ZSWIM5: variants seen among roughly 807,000 people sequenced by gnomAD.
The protein encoded by ZSWIM5 is zinc finger SWIM-type containing 5.
Under a neutral mutation model 119.6 loss-of-function variants are expected in ZSWIM5, and 55 were observed. The observed-to-expected ratio is 0.46, with a 90% CI of 0.37 to 0.58. The LOEUF is 0.58. Ranked by LOEUF, ZSWIM5 falls within the 20% of genes least tolerant of loss-of-function variation. ZSWIM5 has a pLI of 0.00. For missense variants in ZSWIM5, 1,193 were observed against 1,512.8 expected, an observed-to-expected ratio of 0.79 and a Z score of 3.51; for synonymous variants, 537 against 606.9, an observed-to-expected ratio of 0.88 and a Z score of 1.69.
At position 45,055,695 on chromosome 1, in the gene ZSWIM5, A is replaced by C. The variant is rs566863931; in HGVS notation, c.1252+2914T>G. 2.0e-5 allele frequency among the ~76,000 whole-genome samples: 3 copies of C among 152,324 alleles called. No homozygotes were observed. In the South Asian group the frequency reaches 6.2e-4, roughly 32 times the overall value. On this transcript the variant is annotated intron_variant, in intron 4 of 13. Transcript: ENST00000359600. Reference sequence around the variant, plus strand: ...CATTTAGGTAGAGAACGTAAACAGGAAAGTGGATGCTGGGGGGCACTCAAT... The same window carrying C: ...CATTTAGGTAGAGAACGTAAACAGGCAAGTGGATGCTGGGGGGCACTCAAT...
chr1:45,159,625 GT>G (rs1645851286), intron 1 of ZSWIM5, among the ~76,000 whole-genome samples: 1 of 151,876 alleles, frequency 6.6e-6, no homozygotes, highest in Non-Finnish European at 1.5e-5. Flanking sequence ...GTCTTACTCT[GT>G]TGGCCAGGCT....
chr1:45,173,148 T>G (rs1036566133), intron 1 of ZSWIM5, among the ~76,000 whole-genome samples: 3 of 151,990 alleles, frequency 2.0e-5, no homozygotes, highest in Admixed American at 2.0e-4. Flanking sequence ...CTGGGTGACA[T>G]AGCAAGACCT....
intron 8 of ZSWIM5, among the ~76,000 whole-genome samples, chr1:45,036,932 G>T (rs777802434): frequency 2.0e-5 from 3 of 152,054 alleles, no homozygotes; most frequent in Non-Finnish European, 4.4e-5. Flanking sequence ...CTGAGTAGCT[G>T]GGACTACAGG....
In ZSWIM5 at chr1:45,206,076, G is replaced by A; in HGVS notation, c.275C>T (p.Pro92Leu). The A allele has an allele frequency of 6.2e-7, 1 of 1,611,820 alleles. No homozygotes were observed. The highest frequency in any genetic ancestry group is 8.5e-7 in the Non-Finnish European group (1 of 1,179,386). ...CCAGTAGACGATGCGGCGCTGCACG[G>A]GCTCCGGGATCCGCTCGAAGCGCTC... ...VEERFERIPE[P>L]VQRRIVYWSF... Residue 92 changes from proline to leucine, a missense_variant, in exon 1 of 14, where the codon CCC (proline) becomes CTC (leucine). Pro to Leu is a moderately conservative substitution (Grantham distance 98). Around this residue, in one of 2 missense-constraint regions of ZSWIM5, gnomAD observed 232 missense variants for 222.9 expected, o/e 1.04. Transcript: ENST00000359600.
In ZSWIM5 at chr1:45,034,437, C is replaced by A; in HGVS notation, c.2324G>T (p.Gly775Val). 1 of 1,611,190 alleles carries A rather than the reference C, an allele frequency of 6.2e-7. No individual in the cohort carries two copies. Among genetic ancestry groups the A allele is most frequent in the Non-Finnish European group, 8.5e-7 (1 of 1,178,772 alleles). ...CATATGGTGAGGGTGGGATGTGTCG[C>A]CTGCAGAAGCTGAGTTTTCTAAAAC... ...LPVLENSASA[G>V]DTSHPHHMVS... Residue 775 changes from glycine (G) to valine (V), a missense_variant, in exon 11 of 14, where the codon GGC (glycine) becomes GTC (valine). By Grantham distance (109) the Gly-to-Val change is moderately radical. Transcript: ENST00000359600.
At chr1:45,135,231 T>C (rs1326116807) in intron 1 of ZSWIM5, among the ~76,000 whole-genome samples, 1 of 151,876 alleles carries the variant, frequency 6.6e-6, no homozygotes, top group Non-Finnish European at 1.5e-5. Flanking sequence ...GCATCAGTCA[T>C]AGAAACAGAA....
chr1:45,073,249 ATTTTTTTTTTTTT>A (rs58448888), intron 2 of ZSWIM5, among the ~76,000 whole-genome samples: 3 of 56,054 alleles, frequency 5.4e-5, no homozygotes, highest in East Asian at 4.7e-4. Flanking sequence ...TTGCTACTGA[ATTTTTTTTTTTTT>A]TTTTTTTTTT....
intron 4 of ZSWIM5, among the ~76,000 whole-genome samples, chr1:45,053,676 T>A (rs1356372724): frequency 4.0e-5 from 6 of 148,642 alleles, no homozygotes; most frequent in African/African-American, 1.5e-4. Flanking sequence ...GGCAAGAGAA[T>A]CTCTTGAGTC....
intron 1 of ZSWIM5, among the ~76,000 whole-genome samples, chr1:45,181,600 G>C (rs904698320): frequency 4.6e-5 from 7 of 152,026 alleles, no homozygotes; most frequent in African/African-American, 1.4e-4. Context: ...GATACTCCTC[G>C]AGAAGAGCAA....
At position 45,019,397 on chromosome 1, in the gene ZSWIM5, C is replaced by G. The variant is rs1644874258; in HGVS notation, c.2696-81G>C. Reference sequence around the variant, plus strand: ...CCCAGATTACCATTTGGGGTTTGAACTTGGCCTGCAGAGATGAATTCTTCC... The same window carrying G: ...CCCAGATTACCATTTGGGGTTTGAAGTTGGCCTGCAGAGATGAATTCTTCC... On this transcript the variant is annotated intron_variant, in intron 13 of 13. Transcript: ENST00000359600. This position sits in a 1 kb window ranked among gnomAD's most constrained non-coding sequence, Gnocchi z 5.0. 1 of 1,521,312 alleles carries G rather than the reference C, an allele frequency of 6.6e-7. No homozygotes were observed. The highest frequency in any genetic ancestry group is 8.8e-7 in the Non-Finnish European group (1 of 1,137,818). The allele number at this position is 1,521,312 out of a possible 1,614,324, so 94.2% of individuals were successfully genotyped here. A position where few individuals can be genotyped will look rare whatever the true frequency, so the allele number is the denominator to read the frequency against.
intron 1 of ZSWIM5, among the ~76,000 whole-genome samples, chr1:45,164,105 G>C (rs573049493): frequency 2.0e-5 from 3 of 152,348 alleles, no homozygotes; most frequent in Non-Finnish European, 4.4e-5. Flanking sequence ...AAGCCCATCA[G>C]ACTAACAGTG....
chr1:45,205,856 G>T lies in ZSWIM5; in HGVS notation c.495C>A (p.Gly165=). ...CGCAGCCGGCCGCGCCGGCCCCTGC[G>T]CCCAGCCCGGGGGATGCCCCAGCCG... ...GVAAGASPGL[G]AGAGAAGCGG... The change falls in exon 1 of 14, where the codon GGC becomes GGA. Residue 165 remains glycine, a synonymous_variant. Transcript: ENST00000359600. 1 of 1,436,414 alleles carries T rather than the reference G, an allele frequency of 7.0e-7. No homozygotes were observed. Among genetic ancestry groups the T allele is most frequent in the Non-Finnish European group, 9.2e-7 (1 of 1,090,004 alleles). 89.0% of individuals were successfully genotyped at this position (1,436,414 alleles called of 1,614,324 possible).
At chr1:45,131,422 G>C (rs962600512) in intron 1 of ZSWIM5, among the ~76,000 whole-genome samples, 1 of 152,058 alleles carries the variant, frequency 6.6e-6, no homozygotes. Flanking sequence ...GGGGAAGTCA[G>C]GCATTTAAAT....
rs1316037587 is a variant in ZSWIM5 at position 45,043,252 on chromosome 1, G to C, written c.1576C>G (p.Leu526Val). The C allele has an allele frequency of 6.2e-7, 1 of 1,614,012 alleles. No homozygotes were observed. The highest frequency in any genetic ancestry group is 8.5e-7 in the Non-Finnish European group (1 of 1,179,966). Residue 526 changes from leucine (L) to valine (V), a missense_variant, in exon 6 of 14, where the codon CTC (leucine) becomes GTC (valine). By Grantham distance (32) the Leu-to-Val change is conservative. Transcript: ENST00000359600. ...AGTGGCTGGCCTTGGGAATTAAAGA[G>C]TAGTCTTTCACTTTCCCGCTGGCAG... ...PACQRESERLLFNSQGQPLWL... is the reference protein window; with the variant it reads ...PACQRESERLVFNSQGQPLWL...
chr1:45,185,822 C>T (rs1296563435), intron 1 of ZSWIM5, among the ~76,000 whole-genome samples: 1 of 152,166 alleles, frequency 6.6e-6, no homozygotes, highest in Non-Finnish European at 1.5e-5. Context: ...ACTAGTTCAA[C>T]CATTGTGGAA....
chr1:45,086,604 C>T (rs1027550919), intron 2 of ZSWIM5, among the ~76,000 whole-genome samples: 4 of 151,868 alleles, frequency 2.6e-5, no homozygotes, highest in South Asian at 2.1e-4. Flanking sequence ...GGACACAGGG[C>T]GGGGAACATC....
intron 11 of ZSWIM5, among the ~76,000 whole-genome samples, chr1:45,032,441 T>C (rs778867558): frequency 5.9e-5 from 9 of 151,910 alleles, no homozygotes; most frequent in Non-Finnish European, 7.4e-5. Context: ...CATCTTTGTT[T>C]CTGAAATATA....
chr1:45,122,444 G>A (rs61788429), intron 1 of ZSWIM5, among the ~76,000 whole-genome samples: 11,020 of 152,260 alleles, frequency 0.072, 491 homozygotes, highest in Non-Finnish European at 0.1. Context: ...TGGGAAGATG[G>A]AGTAGATATA....
chr1:45,173,541 C>G (rs1392473459), intron 1 of ZSWIM5, among the ~76,000 whole-genome samples: 1 of 152,058 alleles, frequency 6.6e-6, no homozygotes, highest in Non-Finnish European at 1.5e-5. Context: ...GCATTTTTCA[C>G]TGTGCATAAC....
Sources: gnomAD v4.1 joint callset for allele counts (sites outside exome capture counted in the v4.1 genomes callset) on GRCh38, gnomAD v4.1.1 for gene constraint, gnomAD v4.1.1 regional missense constraint, Gnocchi (gnomAD v3.1) non-coding constraint, MANE v1.5 for transcripts, NCBI Gene and HGNC (gene_info 2026-07-23, HGNC 2026-07-21) for gene names.